The following RNF20 variants were observed in gnomAD, a reference collection of about 807,000 sequenced individuals.
RNF20 encodes the protein E3 ubiquitin-protein ligase BRE1A.
RNF20 carries 84 observed loss-of-function variants against 126.2 expected under a neutral mutation model. The observed-to-expected ratio is 0.67, with a 90% CI of 0.56 to 0.80. The LOEUF (loss-of-function observed/expected upper bound fraction) is 0.80, where lower values mean the gene tolerates loss of function less well. Among genes scored for constraint, RNF20 ranks in the 30% least tolerant of loss-of-function variants. The pLI, the probability that RNF20 is intolerant of heterozygous loss-of-function variation, is 0.00. For synonymous variants in RNF20, 400 were observed against 414.3 expected, an observed-to-expected ratio of 0.97 and a Z score of 0.42; for missense variants, 869 against 1,188.2, an observed-to-expected ratio of 0.73 and a Z score of 3.95.
rs757527667 is a variant in RNF20, at chr9:101,547,430, A to G, written c.1004A>G (p.Asn335Ser). The G allele has an allele frequency of 1.2e-5, 20 of 1,614,182 alleles. No homozygotes were observed. Among genetic ancestry groups the G allele is most frequent in the Non-Finnish European group, 1.5e-5 (18 of 1,180,008 alleles). Reference sequence around the variant, plus strand: ...GAAATGAATGCAGAGCTTGAGGAGAACAAAGAGTTGGCTCAGAACCGTCTC... The same window carrying G: ...GAAATGAATGCAGAGCTTGAGGAGAGCAAAGAGTTGGCTCAGAACCGTCTC... ...FEEMNAELEE[N>S]KELAQNRLCE... Residue 335 changes from asparagine (N) to serine (S), a missense_variant, in exon 9 of 20, where the codon AAC (asparagine) becomes AGC (serine). By Grantham distance (46) the Asn-to-Ser change is conservative. This residue lies in a region of RNF20 where 153 missense variants were observed against 226.4 expected (regional missense o/e 0.68). Transcript: ENST00000389120.
chr9:101,549,970 C>T (rs1296671504), intron 9 of RNF20, among the ~76,000 whole-genome samples: 1 of 152,180 alleles, frequency 6.6e-6, no homozygotes, highest in Non-Finnish European at 1.5e-5. Context: ...TGGAACAGCT[C>T]GTGTCCTCGG....
At chr9:101,533,990 A>G (rs748785688) in intron 1 of RNF20, 76 bp downstream of exon 1, 6 of 152,264 alleles carry the variant, frequency 3.9e-5, no homozygotes, top group Admixed American at 2.0e-4. Flanking sequence ...CTTAGGGCCC[A>G]ACAGGACTGT....
rs910329693 is a variant in RNF20 at position 101,546,882 on chromosome 9, G to C, written c.810G>C (p.Met270Ile). Reference protein sequence around the residue: ...AESRVSVLESMIDDLQWDIDK... With the variant: ...AESRVSVLESIIDDLQWDIDK... The stretch of plus-strand genomic sequence containing the variant: ...CACGAGTGTCTGTCCTGGAGTCCAT[G>C]ATTGATGACCTGCAGTGGGATATTG... The change falls in exon 7 of 20, where the codon ATG (methionine) becomes ATC (isoleucine). Residue 270 changes from methionine to isoleucine, a missense_variant. This residue lies in a region of RNF20 where 103 missense variants were observed against 94.3 expected (regional missense o/e 1.09). Transcript: ENST00000389120. 4 of 1,614,064 alleles carry C rather than the reference G, an allele frequency of 2.5e-6. No individual in the cohort carries two copies. The highest frequency in any genetic ancestry group is 3.4e-6 in the Non-Finnish European group (4 of 1,180,024).
intron 7 of RNF20, 85 bp downstream of exon 7, chr9:101,547,051 G>T: frequency 6.2e-7 from 1 of 1,602,600 alleles, no homozygotes; most frequent in African/African-American, 1.3e-5. Flanking sequence ...GGTATTTGAG[G>T]AAAAAATCTC....
In RNF20 at chr9:101,557,473, G is replaced by A. The variant is rs1194044650; in HGVS notation, c.2259G>A (p.Leu753=). 6.2e-7 allele frequency: 1 copy of A among 1,614,000 alleles called. No homozygotes were observed. The highest frequency in any genetic ancestry group is 8.5e-7 in the Non-Finnish European group (1 of 1,179,926). ...AAAATATCCGTTTGATGCAGCAATT[G>A]CGGGAGAAGGATGATGCAAATTTCA... ...QEQNIRLMQQ[L]REKDDANFKL... is the part of the protein sequence containing the mutation. The change falls in exon 16 of 20, where the codon TTG becomes TTA. Residue 753 remains leucine, a synonymous_variant. Coordinates refer to ENST00000389120, the MANE Select transcript of RNF20 (RefSeq NM_019592.7).
chr9:101,544,916 TCTAGTGGGCTGTGG>T (rs759043095), intron 6 of RNF20, 31 bp downstream of exon 6: 1 of 1,334,360 alleles, frequency 7.5e-7, no homozygotes. Context: ...GATGGCTGTG[TCTAGTGGGCTGTGG>T]CAGATGTTGA....
intron 13 of RNF20, among the ~76,000 whole-genome samples, chr9:101,553,252 A>C (rs964279115): frequency 6.6e-6 from 1 of 152,098 alleles, no homozygotes; most frequent in Non-Finnish European, 1.5e-5. Flanking sequence ...TAGACCTTTA[A>C]CTTGTTGAAT....
At chr9:101,560,996 A>G (rs1588227837) in intron 17 of RNF20, 70 bp downstream of exon 17, 12 of 1,597,510 alleles carry the variant, frequency 7.5e-6, no homozygotes, top group Non-Finnish European at 1.0e-5. Flanking sequence ...TGAGATTGTA[A>G]GTTCGCTTTA....
chr9:101,554,206 A>T, intron 14 of RNF20, 101 bp downstream of exon 14: 1 of 687,780 alleles, frequency 1.5e-6, no homozygotes, highest in Non-Finnish European at 2.5e-6. Flanking sequence ...TTATCTTTAA[A>T]ATAAGTGTTT....
intron 9 of RNF20, among the ~76,000 whole-genome samples, chr9:101,548,069 C>T (rs372640477): frequency 1.3e-5 from 2 of 151,896 alleles, no homozygotes. Context: ...ATTTACAATA[C>T]CATTAAAAAA....
chr9:101,541,183 G>C (rs1827254964), intron 5 of RNF20, among the ~76,000 whole-genome samples: 1 of 151,842 alleles, frequency 6.6e-6, no homozygotes, highest in Admixed American at 6.6e-5. Flanking sequence ...CAATCTTTCT[G>C]CCTCAGCTTC....
At position 101,553,901 on chromosome 9, in the gene RNF20, A is replaced by C. The variant is rs1017798702; in HGVS notation, c.1902-87A>C. 2.4e-5 allele frequency: 17 copies of C among 713,782 alleles called. No individual in the cohort carries two copies. The South Asian group carries it at 3.3e-4, about 14-fold the overall frequency. 44.2% of individuals were successfully genotyped at this position (713,782 alleles called of 1,614,324 possible). The stretch of plus-strand genomic sequence containing the variant: ...AAATGTAAAATGAAACTGTTTTAAA[A>C]TATTCTGCTCAATCAAAATTCCCTT... On this transcript the variant is annotated intron_variant, in intron 13 of 19. Transcript: ENST00000389120.
At chr9:101,561,872 G>T in intron 18 of RNF20, 38 bp from the exon 19 acceptor site, 2 of 1,321,008 alleles carry the variant, frequency 1.5e-6, no homozygotes, top group South Asian at 2.3e-5. Context: ...TGATAGATTT[G>T]GGTAAGTGTG....
chr9:101,554,689 T>C lies in RNF20; in HGVS notation c.2020-5T>C, dbSNP rs147182248. ...TATTTTTGTGCAATTCCTTTCCTCT[T>C]ATAGTTGGAAGATCTAAGGCAAAGA... is the stretch of plus-strand genomic sequence containing the variant. On this transcript the variant is annotated splice_region_variant and splice_polypyrimidine_tract_variant and intron_variant, in intron 14 of 19. Transcript: ENST00000389120. 657 of 1,610,314 alleles carry C rather than the reference T, an allele frequency of 4.1e-4. 4 individuals are homozygous for C. The African/African-American group carries it at 7.9e-3, about 19-fold the overall frequency.
chr9:101,546,857 C>T lies in RNF20; in HGVS notation c.785C>T (p.Ser262Leu). ...CAGAGTAAAGTGGAGACAGCCGAAT[C>T]ACGAGTGTCTGTCCTGGAGTCCATG... is the stretch of plus-strand genomic sequence containing the variant. ...KLQSKVETAE[S>L]RVSVLESMID... The change falls in exon 7 of 20, where the codon TCA becomes TTA. Residue 262 changes from serine (S) to leucine (L), a missense_variant. Transcript: ENST00000389120. The T allele has an allele frequency of 6.2e-7, 1 of 1,614,126 alleles. No homozygotes were observed. The highest frequency in any genetic ancestry group is 1.1e-5 in the South Asian group (1 of 91,080).
rs531587647 is a variant in RNF20, at chr9:101,535,582, C to G, written c.129+30C>G. On this transcript the variant is annotated intron_variant, in intron 2 of 19. Transcript: ENST00000389120. Reference sequence around the variant, plus strand: ...GAGGAAACAGTGCCATGAAAGTGTGCTTGTCTTCTGTCAGTTGCAACTTGA... The same window carrying G: ...GAGGAAACAGTGCCATGAAAGTGTGGTTGTCTTCTGTCAGTTGCAACTTGA... The G allele has an allele frequency of 1.0e-4, 163 of 1,589,732 alleles. No individual in the cohort carries two copies. In the South Asian group the frequency reaches 1.7e-3, roughly 17 times the overall value.
At chr9:101,535,868 C>T (rs1827174899) in intron 2 of RNF20, among the ~76,000 whole-genome samples, 1 of 152,124 alleles carries the variant, frequency 6.6e-6, no homozygotes, top group Non-Finnish European at 1.5e-5. Context: ...AAGTCAGTAC[C>T]AGATTCTAAG....
At chr9:101,557,268 C>T in intron 15 of RNF20, 116 bp from the exon 16 acceptor site, 1 of 725,620 alleles carries the variant, frequency 1.4e-6, no homozygotes, top group Non-Finnish European at 2.3e-6. Flanking sequence ...CTTCTTAAAA[C>T]TCTGTCACTA....
rs1467204928 is a variant in RNF20, at chr9:101,554,795, G to A, written c.2121G>A (p.Val707=). 1.4e-5 allele frequency: 22 copies of A among 1,556,684 alleles called. No individual in the cohort carries two copies. Among genetic ancestry groups the A allele is most frequent in the Non-Finnish European group, 1.7e-5 (20 of 1,145,864 alleles). ...DEDALRKIRA[V]EEQIEYLQKK... ...ATGCCTTGAGGAAGATCCGGGCAGT[G>A]GAGGAGCAGATAGAATACCTACAGA... The change falls in exon 15 of 20, where the codon GTG becomes GTA. Residue 707 remains valine, a synonymous_variant. Coordinates refer to ENST00000389120, the MANE Select transcript of RNF20 (RefSeq NM_019592.7).
Sources: gnomAD v4.1 joint callset for allele counts (sites outside exome capture counted in the v4.1 genomes callset) on GRCh38, gnomAD v4.1.1 for gene constraint, gnomAD v4.1.1 regional missense constraint, MANE v1.5 for transcripts, NCBI Gene and HGNC (gene_info 2026-07-23, HGNC 2026-07-21) for gene names.